LRRIQ4: variants seen among roughly 807,000 people sequenced by gnomAD.
The protein encoded by LRRIQ4 is leucine-rich repeat and IQ domain-containing protein 4.
LRRIQ4 carries 21 observed loss-of-function variants against 40.1 expected under a neutral mutation model. The ratio of observed to expected loss-of-function variants is 0.52; its 90% CI spans 0.37 to 0.75. LRRIQ4 has a LOEUF of 0.75. Ranked by LOEUF, LRRIQ4 falls within the 30% of genes least tolerant of loss-of-function variation. The pLI, the probability that LRRIQ4 is intolerant of heterozygous loss-of-function variation, is 0.00. For missense variants in LRRIQ4, 655 were observed against 660.0 expected, an observed-to-expected ratio of 0.99 and a Z score of 0.08; for synonymous variants, 277 against 277.1, an observed-to-expected ratio of 1.00 and a Z score of 0.00.
In LRRIQ4 at chr3:169,834,974, G is replaced by GT. The variant is rs1311663828; in HGVS notation, c.1530+1798dup. On this transcript the variant is annotated intron_variant, in intron 5 of 5. Coordinates refer to ENST00000340806, the MANE Select transcript of LRRIQ4 (RefSeq NM_001080460.3). ...TAGAACAGTGTACCAAAATGAGAGG[G>GT]TTTTTTTAGCATAGTTTATATATTC... Among the ~76,000 whole-genome samples the GT allele has an allele frequency of 1.1e-4, 17 of 151,974 alleles. 1 individual carries two copies. Among genetic ancestry groups the GT allele is most frequent in the Admixed American group, 5.9e-4 (9 of 15,254 alleles).
chr3:169,826,406 G>A (rs567527467), intron 2 of LRRIQ4, among the ~76,000 whole-genome samples: 2,212 of 149,382 alleles, frequency 0.015, 59 homozygotes, highest in African/African-American at 0.052. Context: ...AAAAAAAAAA[G>A]AAAAAGAAAA....
intron 1 of LRRIQ4, among the ~76,000 whole-genome samples, chr3:169,821,502 G>A (rs1422956423): frequency 2.6e-5 from 4 of 152,090 alleles, no homozygotes; most frequent in Non-Finnish European, 5.9e-5. Context: ...GGGCATGGTG[G>A]TGGGTGCCTG....
chr3:169,821,852 T>C (rs1359210454), intron 1 of LRRIQ4, 39 bp from the exon 2 acceptor site: 3 of 1,143,014 alleles, frequency 2.6e-6, no homozygotes, highest in Non-Finnish European at 3.5e-6. Flanking sequence ...TGGTGGCAGG[T>C]AAATTCTATT....
intron 5 of LRRIQ4, among the ~76,000 whole-genome samples, chr3:169,834,898 A>G (rs1780271268): frequency 6.6e-6 from 1 of 152,106 alleles, no homozygotes; most frequent in Admixed American, 6.5e-5. Flanking sequence ...CACCTAAAAC[A>G]ACATAAAATT....
intron 2 of LRRIQ4, among the ~76,000 whole-genome samples, chr3:169,826,897 G>C (rs1480320597): frequency 6.6e-6 from 1 of 152,122 alleles, no homozygotes; most frequent in Admixed American, 6.5e-5. Flanking sequence ...GCATTTTTAG[G>C]AAAATGAGTC....
At chr3:169,820,643 C>T (rs1168282927) in intron 1 of LRRIQ4, among the ~76,000 whole-genome samples, 1 of 150,872 alleles carries the variant, frequency 6.6e-6, no homozygotes, top group African/African-American at 2.4e-5. Flanking sequence ...TTCACGACAT[C>T]TTAGCATTAC....
At chr3:169,832,085 G>A (rs954202775) in intron 4 of LRRIQ4, among the ~76,000 whole-genome samples, 13 of 152,070 alleles carry the variant, frequency 8.5e-5, no homozygotes, top group African/African-American at 3.1e-4. Flanking sequence ...GGTCCCTGGA[G>A]GAGTGAAATA....
chr3:169,829,922 T>G (rs912431127), intron 3 of LRRIQ4, among the ~76,000 whole-genome samples: 13 of 152,236 alleles, frequency 8.5e-5, no homozygotes, highest in African/African-American at 2.9e-4. Context: ...AATTCTCCAT[T>G]CCTTTGCCCT....
At chr3:169,819,035 A>G (rs867319733) in intron 1 of LRRIQ4, among the ~76,000 whole-genome samples, 2 of 152,220 alleles carry the variant, frequency 1.3e-5, no homozygotes, top group Non-Finnish European at 2.9e-5. Flanking sequence ...TTGTTAAACT[A>G]TCCAAATCTT....
intron 3 of LRRIQ4, 98 bp from the exon 4 acceptor site, chr3:169,830,377 GAAAAAAAAAAAAAAAAA>G (rs56795981): frequency 0.016 from 1,759 of 106,632 alleles, 36 homozygotes; most frequent in Middle Eastern, 0.023. Context: ...CACTGAAAGT[GAAAAAAAAAAAAAAAAA>G]AAAAAAAAAA....
chr3:169,831,347 C>G (rs1395925279), intron 4 of LRRIQ4, among the ~76,000 whole-genome samples: 1 of 136,632 alleles, frequency 7.3e-6, no homozygotes, highest in African/African-American at 2.8e-5. Flanking sequence ...GATCTCGGCT[C>G]CCTGCAAACT....
chr3:169,818,240 G>C (rs1002386428), intron 1 of LRRIQ4, among the ~76,000 whole-genome samples: 4 of 152,200 alleles, frequency 2.6e-5, no homozygotes, highest in Non-Finnish European at 5.9e-5. Context: ...TGCTCTGGGG[G>C]TTGGAGGAGG....
chr3:169,830,523 A>G lies in LRRIQ4; in HGVS notation c.1226A>G (p.His409Arg). The change falls in exon 4 of 6, where the codon CAT (histidine) becomes CGT (arginine). Residue 409 changes from histidine (H) to arginine (R), a missense_variant. His to Arg is a conservative substitution (Grantham distance 29). Coordinates refer to ENST00000340806, the MANE Select transcript of LRRIQ4 (RefSeq NM_001080460.3). ...SLKELYIENN[H>R]LEYLPVSLGS... ...AAAGAGCTATATATAGAGAACAATCATCTGGAGTACCTGCCCGTATCCTTG... is the reference window on the plus strand; with the variant it reads ...AAAGAGCTATATATAGAGAACAATCGTCTGGAGTACCTGCCCGTATCCTTG... 1 of 1,609,692 alleles carries G rather than the reference A, an allele frequency of 6.2e-7. No homozygotes were observed. Among genetic ancestry groups the G allele is most frequent in the Non-Finnish European group, 8.5e-7 (1 of 1,177,564 alleles).
chr3:169,816,750 A>C (rs4955575), intron 1 of LRRIQ4, among the ~76,000 whole-genome samples: 40,844 of 150,310 alleles, frequency 0.27, 6,094 homozygotes, highest in East Asian at 0.64. Context: ...AGCTCACTGC[A>C]ACCTCTGCCT....
At chr3:169,825,317 C>A (rs1045733247) in intron 2 of LRRIQ4, among the ~76,000 whole-genome samples, 2 of 152,128 alleles carry the variant, frequency 1.3e-5, no homozygotes, top group Non-Finnish European at 2.9e-5. Context: ...CTAAAAAAAT[C>A]TTTTATTTGA....
chr3:169,837,354 A>G (rs970980649), intron 5 of LRRIQ4, 125 bp from the exon 6 acceptor site: 6 of 1,053,744 alleles, frequency 5.7e-6, no homozygotes, highest in Non-Finnish European at 7.9e-6. Flanking sequence ...AATAAAATTT[A>G]GAGTTCTAAT....
At chr3:169,824,624 T>C (rs1225486214) in intron 2 of LRRIQ4, among the ~76,000 whole-genome samples, 2 of 152,134 alleles carry the variant, frequency 1.3e-5, no homozygotes, top group African/African-American at 4.8e-5. Context: ...GCGATTCTCC[T>C]GCCTCAGCCT....
At chr3:169,835,593 G>C (rs566666015) in intron 5 of LRRIQ4, among the ~76,000 whole-genome samples, 17 of 152,226 alleles carry the variant, frequency 1.1e-4, no homozygotes, top group Non-Finnish European at 2.5e-4. Flanking sequence ...ATCCATGCCT[G>C]CACACTGTTG....
At chr3:169,823,827 G>A (rs1386209329) in intron 2 of LRRIQ4, among the ~76,000 whole-genome samples, 47 of 152,162 alleles carry the variant, frequency 3.1e-4, no homozygotes, top group Non-Finnish European at 2.8e-4. Flanking sequence ...TGGTCATTTA[G>A]CATTGTTGAT....
Sources: gnomAD v4.1 joint callset for allele counts (sites outside exome capture counted in the v4.1 genomes callset) on GRCh38, gnomAD v4.1.1 for gene constraint, MANE v1.5 for transcripts, NCBI Gene and HGNC (gene_info 2026-07-23, HGNC 2026-07-21) for gene names.